The following CNTNAP2 variants were observed in gnomAD, a reference collection of about 807,000 sequenced individuals.
CNTNAP2 encodes contactin associated protein 2, also known as contactin-associated protein-like 2.
Under a neutral mutation model 155.2 loss-of-function variants are expected in CNTNAP2, and 98 were observed. That is an observed-to-expected ratio of 0.63 (90% confidence interval 0.54 to 0.75). CNTNAP2 has a LOEUF of 0.75. Ranked by LOEUF, CNTNAP2 falls within the 30% of genes least tolerant of loss-of-function variation. CNTNAP2 has a pLI of 0.00. For missense variants in CNTNAP2, 1,727 were observed against 1,688.1 expected (o/e 1.02, Z -0.40); for synonymous variants, 651 against 631.2 (o/e 1.03, Z -0.47).
At chr7:146,887,213 G>T (rs148465340) in intron 3 of CNTNAP2, among the ~76,000 whole-genome samples, 2 of 151,874 alleles carry the variant, frequency 1.3e-5, no homozygotes, top group African/African-American at 4.8e-5. Context: ...ACAATGGCGC[G>T]ATCTTGGCTC....
intron 3 of CNTNAP2, among the ~76,000 whole-genome samples, chr7:146,955,933 C>T (rs887674975): frequency 3.9e-5 from 6 of 151,990 alleles, no homozygotes; most frequent in Admixed American, 6.6e-5. Context: ...GTTGATAATT[C>T]GCATCTTGTA....
intron 8 of CNTNAP2, among the ~76,000 whole-genome samples, chr7:147,230,676 A>C (rs1348862736): frequency 6.6e-6 from 1 of 152,220 alleles, no homozygotes; most frequent in Admixed American, 6.5e-5. Context: ...CAGGCTGTAC[A>C]TTAGACCTCT....
At chr7:146,648,400 A>G (rs960663942) in intron 1 of CNTNAP2, among the ~76,000 whole-genome samples, 1 of 152,162 alleles carries the variant, frequency 6.6e-6, no homozygotes, top group Non-Finnish European at 1.5e-5. Flanking sequence ...AATAAAGCCC[A>G]TAGCTTGGGG....
At chr7:146,782,787 T>C (rs1014420511) in intron 2 of CNTNAP2, among the ~76,000 whole-genome samples, 6 of 152,150 alleles carry the variant, frequency 3.9e-5, no homozygotes, top group Non-Finnish European at 7.4e-5. Context: ...CTATGTTGCA[T>C]TGAAATATTA....
intron 3 of CNTNAP2, among the ~76,000 whole-genome samples, chr7:147,036,889 G>T (rs6946845): frequency 0.033 from 5,092 of 152,034 alleles, 270 homozygotes; most frequent in African/African-American, 0.1. Flanking sequence ...CTGTAAATGA[G>T]TTTTTAAAAG....
chr7:146,569,530 A>G (rs367666530), intron 1 of CNTNAP2, among the ~76,000 whole-genome samples: 2 of 152,354 alleles, frequency 1.3e-5, no homozygotes, highest in East Asian at 3.9e-4. Context: ...CAGTAAAGTA[A>G]GTTAATCCTT....
intron 15 of CNTNAP2, among the ~76,000 whole-genome samples, chr7:148,035,215 C>T (rs548296999): frequency 1.3e-5 from 2 of 152,302 alleles, no homozygotes; most frequent in South Asian, 4.1e-4. Flanking sequence ...AAAGGTGCTG[C>T]CAAGCAACCC....
chr7:148,416,323 A>ATTTTTCATTGAATTC lies in CNTNAP2; in HGVS notation c.*709_*723dup, dbSNP rs1799989108. 6.6e-6 allele frequency: 1 copy of ATTTTTCATTGAATTC among 152,286 alleles called. No individual in the cohort carries two copies. The highest frequency in any genetic ancestry group is 6.5e-5 in the Admixed American group (1 of 15,274). 9.4% of individuals were successfully genotyped at this position (152,286 alleles called of 1,614,324 possible). ...TTAAAGAACCAGGGAAGGTAGTTTG[A>ATTTTTCATTGAATTC]TTTTTCATTGAATTCTACAAGCTAA... is the stretch of plus-strand genomic sequence containing the variant. On this transcript the variant is annotated 3_prime_UTR_variant, in exon 24 of 24. Transcript: ENST00000361727.
At chr7:146,462,747 T>C (rs570224163) in intron 1 of CNTNAP2, among the ~76,000 whole-genome samples, 5 of 152,164 alleles carry the variant, frequency 3.3e-5, no homozygotes, top group African/African-American at 7.2e-5. Flanking sequence ...GTTCTTGACA[T>C]TGGAAAAACT....
chr7:147,035,778 A>C (rs546011063), intron 3 of CNTNAP2, among the ~76,000 whole-genome samples: 3 of 152,334 alleles, frequency 2.0e-5, no homozygotes, highest in African/African-American at 7.2e-5. Context: ...GGTCTCCTAA[A>C]AAGTGAGGAT....
intron 12 of CNTNAP2, among the ~76,000 whole-genome samples, chr7:147,627,817 C>G (rs10279620): frequency 0.091 from 13,607 of 149,414 alleles, 1,703 homozygotes; most frequent in African/African-American, 0.26. Flanking sequence ...GACACACTTA[C>G]GGAAATACAA....
At chr7:148,375,409 G>A (rs971327598) in intron 21 of CNTNAP2, among the ~76,000 whole-genome samples, 2 of 149,196 alleles carry the variant, frequency 1.3e-5, no homozygotes, top group African/African-American at 4.9e-5. Context: ...TCCCAGGCTT[G>A]AGCGCAATGC....
chr7:146,919,561 G>C (rs1054624467), intron 3 of CNTNAP2, among the ~76,000 whole-genome samples: 1 of 152,176 alleles, frequency 6.6e-6, no homozygotes, highest in Admixed American at 6.5e-5. Context: ...TTCAGCCATG[G>C]ATACCAGCAG....
At chr7:148,409,610 T>C (rs900905013) in intron 23 of CNTNAP2, 139 bp downstream of exon 23, 14 of 767,028 alleles carry the variant, frequency 1.8e-5, no homozygotes, top group Non-Finnish European at 2.9e-5. Context: ...TTATGACATA[T>C]GATGTGAAGA....
chr7:146,770,618 T>C (rs1802278080), intron 1 of CNTNAP2, among the ~76,000 whole-genome samples: 1 of 151,908 alleles, frequency 6.6e-6, no homozygotes, highest in Non-Finnish European at 1.5e-5. Context: ...ATTATTGTTA[T>C]TCTGAATAAT....
At chr7:147,884,520 A>G (rs2116721177) in intron 13 of CNTNAP2, among the ~76,000 whole-genome samples, 1 of 152,230 alleles carries the variant, frequency 6.6e-6, no homozygotes, top group East Asian at 1.9e-4. Context: ...ACTAATTGAC[A>G]TAATGTGAAG....
chr7:148,409,503 G>A (rs772291010), intron 23 of CNTNAP2, 32 bp downstream of exon 23: 2 of 1,565,890 alleles, frequency 1.3e-6, no homozygotes, highest in Non-Finnish European at 1.8e-6. Context: ...CTTATATGGG[G>A]CTACTCAACT....
chr7:148,109,877 A>G (rs960536416), intron 15 of CNTNAP2, among the ~76,000 whole-genome samples: 1 of 152,140 alleles, frequency 6.6e-6, no homozygotes, highest in African/African-American at 2.4e-5. Flanking sequence ...AGCCTCAGTA[A>G]ATTTACTTAA....
At chr7:147,158,590 G>A (rs1309184064) in intron 8 of CNTNAP2, among the ~76,000 whole-genome samples, 2 of 152,092 alleles carry the variant, frequency 1.3e-5, no homozygotes, top group Non-Finnish European at 2.9e-5. Context: ...GACATCAAGT[G>A]ATGGTTTAAT....
Sources: gnomAD v4.1 joint callset for allele counts (sites outside exome capture counted in the v4.1 genomes callset) on GRCh38, gnomAD v4.1.1 for gene constraint, MANE v1.5 for transcripts, NCBI Gene and HGNC (gene_info 2026-07-23, HGNC 2026-07-21) for gene names.